The following SLC25A21 variants were observed in gnomAD, a reference collection of about 807,000 sequenced individuals.
The protein encoded by SLC25A21 is solute carrier family 25 member 21.
Under a neutral mutation model 43.8 loss-of-function variants are expected in SLC25A21, and 47 were observed. The ratio of observed to expected loss-of-function variants is 1.07; its 90% CI spans 0.85 to 1.37. SLC25A21 has a LOEUF of 1.37. Among genes scored for constraint, SLC25A21 ranks in the 40% most tolerant of loss-of-function variants. The probability of loss-of-function intolerance (pLI) is 0.00; values close to 1 mark genes in which losing one functional copy is unlikely to be tolerated. For missense variants in SLC25A21, 352 were observed against 350.2 expected, an observed-to-expected ratio of 1.00 and a Z score of -0.04; for synonymous variants, 131 against 121.3, an observed-to-expected ratio of 1.08 and a Z score of -0.52.
chr14:36,866,225 C>G (rs1890210098), intron 2 of SLC25A21, among the ~76,000 whole-genome samples: 1 of 152,170 alleles, frequency 6.6e-6, no homozygotes, highest in Non-Finnish European at 1.5e-5. Context: ...GCAATCCTCC[C>G]TCAGCCCTCT....
intron 1 of SLC25A21, among the ~76,000 whole-genome samples, chr14:37,014,311 C>T (rs1960798257): frequency 1.3e-5 from 2 of 152,170 alleles, no homozygotes; most frequent in Admixed American, 1.3e-4. Context: ...CACTTAAACC[C>T]TGCAACTGAT....
At chr14:37,160,804 C>T (rs1040651588) in intron 1 of SLC25A21, among the ~76,000 whole-genome samples, 4 of 151,766 alleles carry the variant, frequency 2.6e-5, no homozygotes, top group African/African-American at 9.7e-5. Flanking sequence ...GTAGCATGTG[C>T]CTGCAATCCC....
At chr14:36,711,822 A>G (rs199603196) in intron 6 of SLC25A21, among the ~76,000 whole-genome samples, 1 of 152,362 alleles carries the variant, frequency 6.6e-6, no homozygotes, top group East Asian at 1.9e-4. Flanking sequence ...GAGATTAACC[A>G]TATAGATATT....
intron 2 of SLC25A21, among the ~76,000 whole-genome samples, chr14:36,862,071 T>C (rs565736836): frequency 5.6e-4 from 85 of 152,262 alleles, no homozygotes; most frequent in African/African-American, 1.9e-3. Context: ...TACCATCTCA[T>C]GCCAGTTAGA....
At chr14:37,080,081 G>T (rs1962356845) in intron 1 of SLC25A21, among the ~76,000 whole-genome samples, 1 of 152,162 alleles carries the variant, frequency 6.6e-6, no homozygotes, top group African/African-American at 2.4e-5. Flanking sequence ...CCAGCGTACA[G>T]AACTGAGAAG....
At chr14:37,161,873 G>A (rs1229885100) in intron 1 of SLC25A21, among the ~76,000 whole-genome samples, 2 of 144,794 alleles carry the variant, frequency 1.4e-5, no homozygotes, top group Non-Finnish European at 3.0e-5. Context: ...TGAGGCAGGA[G>A]AACGGCGTGA....
chr14:36,824,128 G>A (rs1051231320), intron 2 of SLC25A21, among the ~76,000 whole-genome samples: 9 of 152,162 alleles, frequency 5.9e-5, no homozygotes, highest in Non-Finnish European at 1.2e-4. Context: ...TATTTTAAGT[G>A]ATCAAGTGTA....
chr14:36,853,602 T>C (rs957129271), intron 2 of SLC25A21, among the ~76,000 whole-genome samples: 2 of 152,072 alleles, frequency 1.3e-5, no homozygotes, highest in African/African-American at 4.8e-5. Context: ...CAAGAGGCCC[T>C]CTCCTCAGCC....
At chr14:37,155,762 G>C (rs1963837468) in intron 1 of SLC25A21, among the ~76,000 whole-genome samples, 1 of 152,070 alleles carries the variant, frequency 6.6e-6, no homozygotes, top group African/African-American at 2.4e-5. Context: ...TCCCAGACAA[G>C]CAAATGCTGA....
chr14:36,783,643 T>A (rs1030983983), intron 3 of SLC25A21, among the ~76,000 whole-genome samples: 3 of 152,166 alleles, frequency 2.0e-5, no homozygotes, highest in African/African-American at 7.2e-5. Context: ...CTGTGCCACC[T>A]TGGGAAAGGG....
chr14:37,118,747 T>C (rs947153260), intron 1 of SLC25A21, among the ~76,000 whole-genome samples: 3 of 152,182 alleles, frequency 2.0e-5, no homozygotes, highest in Non-Finnish European at 2.9e-5. Flanking sequence ...TTGACTCCCA[T>C]GGTTTCCTTA....
At chr14:36,682,797 A>G (rs1447086376) in intron 9 of SLC25A21, among the ~76,000 whole-genome samples, 1 of 152,212 alleles carries the variant, frequency 6.6e-6, no homozygotes, top group Non-Finnish European at 1.5e-5. Flanking sequence ...GTAAAGGCCT[A>G]TAAAGATTGG....
At chr14:36,924,036 G>A (rs1892056802) in intron 1 of SLC25A21, among the ~76,000 whole-genome samples, 1 of 152,130 alleles carries the variant, frequency 6.6e-6, no homozygotes, top group South Asian at 2.1e-4. Flanking sequence ...ACAGGTGCTG[G>A]AGAGGATGTG....
intron 3 of SLC25A21, among the ~76,000 whole-genome samples, chr14:36,765,184 T>C (rs1886367742): frequency 6.6e-6 from 1 of 152,190 alleles, no homozygotes; most frequent in African/African-American, 2.4e-5. Context: ...CTGACTAATC[T>C]GAGGCTGCCA....
chr14:36,852,020 A>AAAAT (rs1889756011), intron 2 of SLC25A21, among the ~76,000 whole-genome samples: 1 of 152,186 alleles, frequency 6.6e-6, no homozygotes, highest in South Asian at 2.1e-4. Flanking sequence ...CATTATTTTT[A>AAAAT]AAATAATATA....
At chr14:36,838,272 T>G (rs899899236) in intron 2 of SLC25A21, among the ~76,000 whole-genome samples, 1 of 152,202 alleles carries the variant, frequency 6.6e-6, no homozygotes, top group African/African-American at 2.4e-5. Context: ...TGTCTGTACA[T>G]ATTTTCTGCC....
At chr14:37,059,058 G>C (rs1025956016) in intron 1 of SLC25A21, among the ~76,000 whole-genome samples, 1 of 152,162 alleles carries the variant, frequency 6.6e-6, no homozygotes, top group Admixed American at 6.5e-5. Flanking sequence ...AATTATTCAA[G>C]TATCTTTTCT....
intron 1 of SLC25A21, among the ~76,000 whole-genome samples, chr14:37,029,332 G>T (rs1321373987): frequency 6.6e-6 from 1 of 152,012 alleles, no homozygotes; most frequent in Non-Finnish European, 1.5e-5. Context: ...TCCAAGGAGG[G>T]TTAAAGAGGA....
intron 3 of SLC25A21, among the ~76,000 whole-genome samples, chr14:36,738,182 A>C (rs1239545232): frequency 6.6e-6 from 1 of 152,350 alleles, no homozygotes; most frequent in East Asian, 1.9e-4. Flanking sequence ...AATGCAGGTA[A>C]GAGCATGTGG....
Sources: allele counts gnomAD v4.1 joint callset (sites outside exome capture counted in the v4.1 genomes callset), GRCh38; gene constraint gnomAD v4.1.1; transcripts MANE v1.5; gene names NCBI Gene and HGNC (gene_info 2026-07-23, HGNC 2026-07-21).